Variants in RGS5 observed in about 807,000 individuals in gnomAD.
RGS5 encodes regulator of G-protein signalling 5.
A neutral mutation model predicts 18.9 loss-of-function variants in RGS5; 20 were observed. The ratio of observed to expected loss-of-function variants is 1.06; its 90% CI spans 0.74 to 1.54. RGS5 has a LOEUF of 1.54. Among genes scored for constraint, RGS5 ranks in the 40% most tolerant of loss-of-function variants. The pLI is 0.00. For missense variants in RGS5, 201 were observed against 211.8 expected (o/e 0.95, Z 0.32); for synonymous variants, 57 against 76.2 (o/e 0.75, Z 1.31).
intron 2 of RGS5, among the ~76,000 whole-genome samples, chr1:163,165,090 G>T (rs1657983792): frequency 6.6e-6 from 1 of 152,124 alleles, no homozygotes; most frequent in South Asian, 2.1e-4. Context: ...TGGGCATACA[G>T]ACTTAAGAAC....
chr1:163,205,519 C>G (rs539006621), upstream of RGS5, among the ~76,000 whole-genome samples: 23 of 151,996 alleles, frequency 1.5e-4, no homozygotes, highest in Non-Finnish European at 2.2e-4. Flanking sequence ...AAAAGAGAAA[C>G]AAGCCATCAT....
At chr1:163,251,933 C>A (rs889776699) in intron 2 of RGS5, among the ~76,000 whole-genome samples, 2 of 152,070 alleles carry the variant, frequency 1.3e-5, no homozygotes, top group Non-Finnish European at 2.9e-5. Context: ...GTTTCCAATT[C>A]TTGGCTATTA....
intron 2 of RGS5, among the ~76,000 whole-genome samples, chr1:163,228,359 G>A (rs1647388108): frequency 1.3e-5 from 2 of 152,362 alleles, no homozygotes; most frequent in African/African-American, 4.8e-5. Flanking sequence ...CATGGAAGCT[G>A]CCAAGGCTTG....
At chr1:163,259,013 T>C (rs919825405) in intron 2 of RGS5, among the ~76,000 whole-genome samples, 3 of 151,916 alleles carry the variant, frequency 2.0e-5, no homozygotes, top group African/African-American at 7.3e-5. Flanking sequence ...ATTACTAACA[T>C]AATGCTAGGC....
At chr1:163,303,933 C>T (rs982832547) in intron 2 of RGS5, among the ~76,000 whole-genome samples, 2 of 152,122 alleles carry the variant, frequency 1.3e-5, no homozygotes, top group East Asian at 1.9e-4. Flanking sequence ...AACCAATCCC[C>T]CCACATATCC....
At chr1:163,263,057 TA>T (rs1057006427) in intron 2 of RGS5, among the ~76,000 whole-genome samples, 31 of 152,304 alleles carry the variant, frequency 2.0e-4, no homozygotes, top group African/African-American at 7.2e-4. Flanking sequence ...TCTTATGAAA[TA>T]AAGAACCTCA....
intron 2 of RGS5, among the ~76,000 whole-genome samples, chr1:163,163,061 T>C (rs1657879088): frequency 1.3e-5 from 2 of 151,384 alleles, no homozygotes; most frequent in Admixed American, 1.3e-4. Context: ...TGGTTAATTA[T>C]TCAGATTTGC....
At chr1:163,260,603 A>T (rs558028580) in intron 2 of RGS5, 1 of 151,966 alleles carries the variant, frequency 6.6e-6, no homozygotes, top group Non-Finnish European at 1.5e-5. Flanking sequence ...CTCAGAATTC[A>T]CCACTATATA....
intron 2 of RGS5, chr1:163,237,633 T>G (rs1395495529): frequency 1.3e-5 from 2 of 151,930 alleles, no homozygotes; most frequent in African/African-American, 4.9e-5. Context: ...TGCAGTGAGC[T>G]GAGATAGCAC....
At chr1:163,239,804 A>G (rs1238984648) in intron 2 of RGS5, among the ~76,000 whole-genome samples, 1 of 143,898 alleles carries the variant, frequency 6.9e-6, no homozygotes, top group Non-Finnish European at 1.5e-5. Context: ...GGCTTCTACA[A>G]TCTTAATCTA....
At chr1:163,154,268 A>G (rs1180987424) in intron 3 of RGS5, among the ~76,000 whole-genome samples, 1 of 152,206 alleles carries the variant, frequency 6.6e-6, no homozygotes, top group African/African-American at 2.4e-5. Context: ...AATGATAAAA[A>G]CAAAGACGCT....
Position 163,202,696 on chromosome 1 carries a change from C to T in RGS5, c.44+96G>A, listed in dbSNP as rs145176785. On this transcript the variant is annotated intron_variant, in intron 1 of 4. Transcript: ENST00000313961. ...AGCACCTGTTTCACCTCAGCTTAGC[C>T]ATAAACTACAATACCTCTGTTACCA... 2.3e-4 allele frequency: 249 copies of T among 1,063,614 alleles called. 2 individuals are homozygous for T. The East Asian group carries it at 5.2e-3, about 22-fold the overall frequency. The allele number at this position is 1,063,614 out of a possible 1,614,324, so 65.9% of individuals were successfully genotyped here. A position where few individuals can be genotyped will look rare whatever the true frequency, so the allele number is the denominator to read the frequency against.
At chr1:163,172,947 T>C (rs1357913689) in intron 1 of RGS5, among the ~76,000 whole-genome samples, 1 of 152,170 alleles carries the variant, frequency 6.6e-6, no homozygotes, top group Non-Finnish European at 1.5e-5. Flanking sequence ...CTCCCTACCA[T>C]AGCCTCACAG....
chr1:163,231,738 A>G (rs907825977), intron 2 of RGS5, among the ~76,000 whole-genome samples: 26 of 148,222 alleles, frequency 1.8e-4, no homozygotes, highest in East Asian at 3.9e-4. Context: ...TCCTGGGAAG[A>G]AACAAGTGGT....
At chr1:163,255,736 A>G (rs1329211814) in intron 2 of RGS5, among the ~76,000 whole-genome samples, 2 of 151,774 alleles carry the variant, frequency 1.3e-5, no homozygotes, top group East Asian at 1.9e-4. Flanking sequence ...AACCGAATCC[A>G]GCAGCACATC....
At chr1:163,318,783 T>C (rs1650098029) in intron 1 of RGS5, 1 of 151,354 alleles carries the variant, frequency 6.6e-6, no homozygotes, top group Admixed American at 6.6e-5. Flanking sequence ...AAAAGAGAGG[T>C]CTAGAACAAG....
At chr1:163,154,973 G>GTATATA (rs1557880996) in intron 3 of RGS5, among the ~76,000 whole-genome samples, 1 of 151,630 alleles carries the variant, frequency 6.6e-6, no homozygotes, top group Non-Finnish European at 1.5e-5. Flanking sequence ...ATATGTATAT[G>GTATATA]TATATAAAAC....
intron 2 of RGS5, among the ~76,000 whole-genome samples, chr1:163,232,197 A>G (rs1003259378): frequency 1.3e-5 from 2 of 152,200 alleles, no homozygotes; most frequent in Non-Finnish European, 2.9e-5. Flanking sequence ...AGTTTTTGCT[A>G]GAAGGCTAAG....
In RGS5 at chr1:163,312,389, T is replaced by C. The variant is rs538331025; in HGVS notation, c.-377-6060A>G. Among the ~76,000 whole-genome samples the C allele has an allele frequency of 2.0e-5, 3 of 152,280 alleles. No individual in the cohort carries two copies. In the East Asian group the frequency reaches 5.8e-4, roughly 29 times the overall value. ...TACAATAATTATGTGGGACAGATAG[T>C]AGTTATATGTAATGGGAGACTAAAT... On this transcript the variant is annotated intron_variant, in intron 1 of 5. Transcript: ENST00000618415.
Sources: allele counts gnomAD v4.1 joint callset (sites outside exome capture counted in the v4.1 genomes callset), GRCh38; gene constraint gnomAD v4.1.1; transcripts MANE v1.5; gene names NCBI Gene and HGNC (gene_info 2026-07-23, HGNC 2026-07-21).